The following ZFHX3 variants were observed in gnomAD, a reference collection of about 807,000 sequenced individuals.
ZFHX3 encodes zinc finger homeobox protein 3.
A neutral mutation model predicts 279.1 loss-of-function variants in ZFHX3; 42 were observed. That is an observed-to-expected ratio of 0.15 (90% CI 0.12 to 0.19). The LOEUF is 0.19. Ranked by LOEUF, ZFHX3 falls within the 10% of genes least tolerant of loss-of-function variation. The pLI is 1.00. For missense variants in ZFHX3, 4,981 were observed against 4,754.0 expected (o/e 1.05, Z -1.40); for synonymous variants, 2,293 against 1,957.8 (o/e 1.17, Z -4.52).
rs148613734 is a variant in ZFHX3 at position 73,867,739 on chromosome 16, C to T, written c.-1608+23912G>A. On this transcript the variant is annotated intron_variant, in intron 1 of 17. Coordinates refer to the ZFHX3 transcript ENST00000641206. ...CCCCCTCCCAAATGCACTCTGATATCTGTAGATAATTGTATCCCCTCCATT... is the reference window on the plus strand; with the variant it reads ...CCCCCTCCCAAATGCACTCTGATATTTGTAGATAATTGTATCCCCTCCATT... 3.0e-3 allele frequency among the ~76,000 whole-genome samples: 462 copies of T among 152,296 alleles called. 1 individual carries two copies. The highest frequency in any genetic ancestry group is 0.01 in the African/African-American group (433 of 41,560).
At chr16:73,575,428 C>G (rs2051789827) in intron 2 of ZFHX3, among the ~76,000 whole-genome samples, 1 of 152,128 alleles carries the variant, frequency 6.6e-6, no homozygotes, top group South Asian at 2.1e-4. Context: ...TGATTCATTA[C>G]ACAACACAGG....
chr16:73,402,213 A>G (rs2017270682), intron 3 of ZFHX3: 1 of 152,206 alleles, frequency 6.6e-6, no homozygotes, highest in South Asian at 2.1e-4. Flanking sequence ...TGATCACACC[A>G]TCCGCTGAGT....
intron 5 of ZFHX3, among the ~76,000 whole-genome samples, chr16:73,190,935 C>T (rs1467647774): frequency 3.3e-5 from 5 of 151,106 alleles, no homozygotes; most frequent in African/African-American, 7.3e-5. Flanking sequence ...TGTAAATTGC[C>T]GGAATTTGAA....
intron 3 of ZFHX3, among the ~76,000 whole-genome samples, chr16:73,451,622 G>T (rs1289400319): frequency 6.6e-6 from 1 of 151,990 alleles, no homozygotes; most frequent in East Asian, 1.9e-4. Flanking sequence ...CTGCACTCTG[G>T]GTGTTTTAAG....
At chr16:72,854,601 A>T (rs1478962283) in intron 4 of ZFHX3, among the ~76,000 whole-genome samples, 1 of 152,190 alleles carries the variant, frequency 6.6e-6, no homozygotes, top group Non-Finnish European at 1.5e-5. Flanking sequence ...AAAAATTCCC[A>T]AACAATAAGG....
At chr16:73,111,801 A>T (rs1966378039) in intron 7 of ZFHX3, among the ~76,000 whole-genome samples, 1 of 152,138 alleles carries the variant, frequency 6.6e-6, no homozygotes, top group South Asian at 2.1e-4. Context: ...CACCTAACAC[A>T]TTCTAAACCC....
intron 4 of ZFHX3, among the ~76,000 whole-genome samples, chr16:73,273,427 G>A (rs182038126): frequency 9.9e-4 from 151 of 152,208 alleles, no homozygotes; most frequent in Non-Finnish European, 1.7e-3. Context: ...TTCTGACTCC[G>A]CTCAGTAGGC....
In ZFHX3 at chr16:72,936,603, G is replaced by T. The variant is rs189669756; in HGVS notation, c.3216+13866C>A. ...AGCAAGTGCAAAGGCCCTGTGGCAG[G>T]CGCCAGCTTAGCATGTTGAATGAAC... On this transcript the variant is annotated intron_variant, in intron 3 of 9. Coordinates refer to ENST00000268489, the MANE Select transcript of ZFHX3 (RefSeq NM_006885.4). Among the ~76,000 whole-genome samples the T allele has an allele frequency of 2.6e-5, 4 of 152,282 alleles. No individual in the cohort carries two copies. The East Asian group carries it at 7.7e-4, about 29-fold the overall frequency.
intron 1 of ZFHX3, among the ~76,000 whole-genome samples, chr16:73,789,229 G>A (rs917294934): frequency 6.6e-6 from 1 of 151,782 alleles, no homozygotes; most frequent in Non-Finnish European, 1.5e-5. Flanking sequence ...CACCCAGGCT[G>A]CGGTGCAGTG....
intron 1 of ZFHX3, among the ~76,000 whole-genome samples, chr16:73,770,671 G>A (rs1231213642): frequency 1.3e-5 from 2 of 152,156 alleles, no homozygotes; most frequent in African/African-American, 4.8e-5. Flanking sequence ...CCAAGGATGA[G>A]GCCAAATAAG....
intron 2 of ZFHX3, among the ~76,000 whole-genome samples, chr16:73,605,393 A>G (rs1475938030): frequency 2.0e-5 from 3 of 152,182 alleles, no homozygotes; most frequent in Non-Finnish European, 4.4e-5. Context: ...CCTGAAACAC[A>G]TTTTACGCTG....
chr16:73,868,124 C>A (rs541231868), intron 1 of ZFHX3, among the ~76,000 whole-genome samples: 1 of 152,308 alleles, frequency 6.6e-6, no homozygotes, highest in Non-Finnish European at 1.5e-5. Flanking sequence ...CGTTAAATAG[C>A]CCAGAGTTCA....
intron 4 of ZFHX3, among the ~76,000 whole-genome samples, chr16:73,296,941 C>G (rs2014931217): frequency 7.3e-6 from 1 of 136,224 alleles, no homozygotes; most frequent in East Asian, 2.0e-4. Context: ...TTCAGTGGCG[C>G]TATCTCGGCT....
At chr16:73,251,687 CCA>C (rs1219746576) in intron 5 of ZFHX3, among the ~76,000 whole-genome samples, 4 of 149,524 alleles carry the variant, frequency 2.7e-5, no homozygotes, top group African/African-American at 4.9e-5. Flanking sequence ...CACATACACA[CCA>C]CACACACACA....
At chr16:73,414,339 A>G (rs2143470056) in intron 3 of ZFHX3, among the ~76,000 whole-genome samples, 1 of 152,362 alleles carries the variant, frequency 6.6e-6, no homozygotes, top group Non-Finnish European at 1.5e-5. Context: ...TGTGCCAGGC[A>G]CTATGTATGG....
At chr16:72,836,593 G>A (rs2037198307) in intron 4 of ZFHX3, among the ~76,000 whole-genome samples, 1 of 152,038 alleles carries the variant, frequency 6.6e-6, no homozygotes, top group East Asian at 1.9e-4. Context: ...TCTCATGTAT[G>A]TACACGGAAA....
intron 4 of ZFHX3, among the ~76,000 whole-genome samples, chr16:72,867,975 T>C (rs4788668): frequency 1.3e-5 from 2 of 151,948 alleles, no homozygotes; most frequent in African/African-American, 4.8e-5. Flanking sequence ...CAAGGAAGCA[T>C]GGAACTAACT....
chr16:73,672,662 G>A (rs1034713037), intron 2 of ZFHX3, among the ~76,000 whole-genome samples: 1 of 152,062 alleles, frequency 6.6e-6, no homozygotes, highest in Non-Finnish European at 1.5e-5. Context: ...CACATGATGA[G>A]AGAATAATAA....
At chr16:73,573,731 G>A (rs367774451) in intron 2 of ZFHX3, among the ~76,000 whole-genome samples, 3 of 152,224 alleles carry the variant, frequency 2.0e-5, no homozygotes, top group East Asian at 1.9e-4. Context: ...AGAATCAAAC[G>A]GTTTATTTTC....
Sources: allele counts gnomAD v4.1 joint callset (sites outside exome capture counted in the v4.1 genomes callset), GRCh38; gene constraint gnomAD v4.1.1; transcripts MANE v1.5; gene names NCBI Gene and HGNC (gene_info 2026-07-23, HGNC 2026-07-21).